The following PCDHGA6 variants were observed in gnomAD, a reference collection of about 807,000 sequenced individuals.
PCDHGA6 encodes the protein protocadherin gamma subfamily A, 6, also known as protocadherin gamma-A6.
A neutral mutation model predicts 60.6 loss-of-function variants in PCDHGA6; 41 were observed. That is an observed-to-expected ratio of 0.68 (90% CI 0.53 to 0.88). PCDHGA6 has a LOEUF of 0.88. Among genes scored for constraint, PCDHGA6 ranks in the 40% least tolerant of loss-of-function variants. The pLI is 0.00. For missense variants in PCDHGA6, 1,312 were observed against 1,203.0 expected, an observed-to-expected ratio of 1.09 and a Z score of -1.34; for synonymous variants, 594 against 524.4, an observed-to-expected ratio of 1.13 and a Z score of -1.81.
intron 1 of PCDHGA6, among the ~76,000 whole-genome samples, chr5:141,455,243 A>G (rs945218710): frequency 1.3e-5 from 2 of 152,146 alleles, no homozygotes; most frequent in Non-Finnish European, 2.9e-5. Flanking sequence ...GTTAAAGGTC[A>G]TAGTACAATC....
At chr5:141,408,702 T>C (rs769871063) in intron 1 of PCDHGA6, 6 of 1,613,208 alleles carry the variant, frequency 3.7e-6, no homozygotes, top group South Asian at 3.3e-5. Flanking sequence ...ATAAACTCAA[T>C]TAAAGATTAT....
chr5:141,450,829 A>ATTTTTT (rs373424450), intron 1 of PCDHGA6, among the ~76,000 whole-genome samples: 1 of 135,126 alleles, frequency 7.4e-6, no homozygotes. Context: ...TATTATTATT[A>ATTTTTT]TTTTTTTTTT....
chr5:141,443,207 C>T (rs907169095), intron 1 of PCDHGA6, among the ~76,000 whole-genome samples: 5 of 152,064 alleles, frequency 3.3e-5, no homozygotes, highest in African/African-American at 1.2e-4. Context: ...AAGAGCTTGT[C>T]TCGCCAGGCG....
intron 1 of PCDHGA6, among the ~76,000 whole-genome samples, chr5:141,448,581 T>A (rs570781751): frequency 2.0e-5 from 3 of 152,274 alleles, no homozygotes; most frequent in African/African-American, 7.2e-5. Context: ...CCATTTTTTT[T>A]ACAAAAAGAT....
chr5:141,448,720 C>T (rs545687728), intron 1 of PCDHGA6, among the ~76,000 whole-genome samples: 24 of 152,030 alleles, frequency 1.6e-4, no homozygotes, highest in African/African-American at 5.8e-4. Flanking sequence ...GCGGGAGGAT[C>T]ACGAGGTCAG....
intron 1 of PCDHGA6, chr5:141,393,581 C>T (rs1356594219): frequency 5.0e-6 from 8 of 1,613,790 alleles, no homozygotes; most frequent in Non-Finnish European, 6.8e-6. Flanking sequence ...AGAACATGCC[C>T]CCAGGCACGC....
At chr5:141,498,796 G>C (rs1160540093) in intron 2 of PCDHGA6, among the ~76,000 whole-genome samples, 1 of 152,032 alleles carries the variant, frequency 6.6e-6, no homozygotes, top group African/African-American at 2.4e-5. Context: ...AGCCAGGTGT[G>C]GTGGTGCACA....
chr5:141,443,392 T>C (rs151260637), intron 1 of PCDHGA6, among the ~76,000 whole-genome samples: 1,653 of 151,736 alleles, frequency 0.011, 7 homozygotes, highest in Middle Eastern at 0.038. Flanking sequence ...GGCTGAGGTG[T>C]GAGGATCACC....
At chr5:141,411,215 A>C (rs1202378654) in intron 1 of PCDHGA6, 1 of 152,270 alleles carries the variant, frequency 6.6e-6, no homozygotes, top group Non-Finnish European at 1.5e-5. Context: ...TAACCTATCT[A>C]TTCAAATTTG....
At chr5:141,510,674 GGCAT>G (rs1388331907) in intron 3 of PCDHGA6, among the ~76,000 whole-genome samples, 6 of 152,132 alleles carry the variant, frequency 3.9e-5, no homozygotes, top group Non-Finnish European at 8.8e-5. Flanking sequence ...AAACTGAAGT[GGCAT>G]AAGGAGGTTA....
At chr5:141,437,589 T>C (rs929281293) in intron 1 of PCDHGA6, among the ~76,000 whole-genome samples, 10 of 152,306 alleles carry the variant, frequency 6.6e-5, no homozygotes, top group African/African-American at 2.2e-4. Flanking sequence ...ATGAATTGGA[T>C]AGTTCTGGTG....
At chr5:141,402,934 A>G in intron 1 of PCDHGA6, 1 of 1,586,622 alleles carries the variant, frequency 6.3e-7, no homozygotes, top group Non-Finnish European at 8.6e-7. Flanking sequence ...TTTTGAGAAA[A>G]TTCCAAAGCG....
At position 141,491,267 on chromosome 5, in the gene PCDHGA6, A is replaced by C. The variant is rs1376540913; in HGVS notation, c.2425-3540A>C. ...GATGAGGACCCTGAGGAAATGCCCA[A>C]ATCCAGTGACTTCCTCATACACCCT... On this transcript the variant is annotated intron_variant, in intron 1 of 3. Coordinates refer to ENST00000517434, the MANE Select transcript of PCDHGA6 (RefSeq NM_018919.3). This position sits in a 1 kb window ranked among gnomAD's most constrained non-coding sequence, Gnocchi z 6.9. The C allele has an allele frequency of 2.5e-6, 4 of 1,613,944 alleles. No individual in the cohort carries two copies. The highest frequency in any genetic ancestry group is 3.4e-6 in the Non-Finnish European group (4 of 1,179,936).
chr5:141,489,546 C>T lies in PCDHGA6; in HGVS notation c.2425-5261C>T, dbSNP rs1404605129. ...GCCTATGTGGAGCCAGCACCAGCTGCCTGCTGCCAGTGCAGGTGGTGACTG... is the reference window on the plus strand; with the variant it reads ...GCCTATGTGGAGCCAGCACCAGCTGTCTGCTGCCAGTGCAGGTGGTGACTG... On this transcript the variant is annotated intron_variant, in intron 1 of 3. Coordinates refer to ENST00000517434, the MANE Select transcript of PCDHGA6 (RefSeq NM_018919.3). The surrounding 1 kb of genome is among the most constrained non-coding windows in gnomAD (Gnocchi z 4.5). 2 of 1,614,076 alleles carry T rather than the reference C, an allele frequency of 1.2e-6. No homozygotes were observed. The highest frequency in any genetic ancestry group is 2.2e-5 in the East Asian group (1 of 44,868).
In PCDHGA6 at chr5:141,374,117, G is replaced by T; in HGVS notation, c.34G>T (p.Glu12Ter). The change falls in exon 1 of 4, where the codon GAG becomes TAG. Residue 12 changes from glutamate to a stop codon, truncating the protein, a stop_gained. Transcript: ENST00000517434. LOFTEE classifies it high-confidence loss of function. Reference protein sequence around the residue: ...APPQRHPQRSEQVLLLTLLGT... With the variant: ...APPQRHPQRS The stretch of plus-strand genomic sequence containing the variant: ...TCCGCAGAGGCATCCGCAGCGCAGC[G>T]AGCAGGTCCTGCTCCTCACGCTCCT... The T allele has an allele frequency of 1.9e-6, 3 of 1,587,564 alleles. No individual in the cohort carries two copies. Among genetic ancestry groups the T allele is most frequent in the South Asian group, 1.1e-5 (1 of 88,624 alleles).
At chr5:141,426,720 A>T (rs1448232477) in intron 1 of PCDHGA6, 4 of 447,600 alleles carry the variant, frequency 8.9e-6, no homozygotes, top group Non-Finnish European at 1.8e-5. Flanking sequence ...TGAACTAGCA[A>T]TTCCAGGCAT....
chr5:141,404,133 T>C, intron 1 of PCDHGA6: 1 of 1,613,108 alleles, frequency 6.2e-7, no homozygotes, highest in Non-Finnish European at 8.5e-7. Flanking sequence ...TCTTTTACAT[T>C]AGAAAATTCA....
intron 1 of PCDHGA6, among the ~76,000 whole-genome samples, chr5:141,449,868 T>C (rs902371897): frequency 1.3e-5 from 2 of 151,910 alleles, no homozygotes; most frequent in African/African-American, 4.8e-5. Flanking sequence ...AATCAGAAAA[T>C]TTAACATCAA....
At chr5:141,416,014 A>G (rs1258459397) in intron 1 of PCDHGA6, 1 of 228,504 alleles carries the variant, frequency 4.4e-6, no homozygotes, top group African/African-American at 2.3e-5. Flanking sequence ...AAGAATAGGT[A>G]AGTATCAGAA....
Sources: allele counts gnomAD v4.1 joint callset (sites outside exome capture counted in the v4.1 genomes callset), GRCh38; gene constraint gnomAD v4.1.1; non-coding constraint Gnocchi (gnomAD v3.1); transcripts MANE v1.5; gene names NCBI Gene and HGNC (gene_info 2026-07-23, HGNC 2026-07-21).